AKAP7: variants seen among roughly 807,000 people sequenced by gnomAD.
AKAP7 encodes the protein A kinase (PRKA) anchor protein 7.
A neutral mutation model predicts 39.5 loss-of-function variants in AKAP7; 39 were observed. The ratio of observed to expected loss-of-function variants is 0.99; its 90% CI spans 0.76 to 1.29. AKAP7 has a LOEUF of 1.29. AKAP7 is among the 50% of genes most tolerant of loss of function. The probability of loss-of-function intolerance (pLI) is 0.00; values close to 1 mark genes in which losing one functional copy is unlikely to be tolerated. For synonymous variants in AKAP7, 140 were observed against 139.1 expected (o/e 1.01, Z -0.05); for missense variants, 414 against 407.7 (o/e 1.02, Z -0.13).
chr6:131,154,468 G>GTTT (rs58715551), intron 2 of AKAP7, among the ~76,000 whole-genome samples: 2 of 112,536 alleles, frequency 1.8e-5, no homozygotes, highest in East Asian at 3.0e-4. Context: ...CCCTGTCCCT[G>GTTT]TTTTTTTTTT....
chr6:131,164,258 T>C (rs1803259335), intron 3 of AKAP7: 1 of 422,460 alleles, frequency 2.4e-6, no homozygotes, highest in Non-Finnish European at 4.8e-6. Flanking sequence ...CTGTGCTCTC[T>C]TTTCTCTGTT....
At chr6:131,160,899 A>T (rs1005825152) in intron 3 of AKAP7, among the ~76,000 whole-genome samples, 1 of 152,348 alleles carries the variant, frequency 6.6e-6, no homozygotes, top group Non-Finnish European at 1.5e-5. Context: ...AAACTACTGC[A>T]TCTCATTACA....
Position 131,199,587 on chromosome 6 carries a change from C to T in AKAP7, c.702+14C>T. On this transcript the variant is annotated intron_variant, in intron 6 of 7. Transcript: ENST00000431975. ...CTCCGTAAGAATGTGAGTGCATGTT[C>T]TTATTGCAAGCCTGTTTTACCAGGC... 6.4e-7 allele frequency: 1 copy of T among 1,558,880 alleles called. No individual in the cohort carries two copies. The highest frequency in any genetic ancestry group is 2.2e-5 in the East Asian group (1 of 44,558).
chr6:131,250,176 G>T (rs942315494), intron 7 of AKAP7: 2 of 995,068 alleles, frequency 2.0e-6, no homozygotes, highest in Non-Finnish European at 2.4e-6. Context: ...GCAGTTGTCT[G>T]TAGGAGAAAG....
At chr6:131,162,009 C>A (rs962462071) in intron 3 of AKAP7, among the ~76,000 whole-genome samples, 6 of 152,154 alleles carry the variant, frequency 3.9e-5, no homozygotes, top group African/African-American at 1.4e-4. Flanking sequence ...TGTCACTTTC[C>A]CTAGGCCGCT....
chr6:131,193,646 T>C (rs1182236070), intron 5 of AKAP7, among the ~76,000 whole-genome samples: 1 of 152,110 alleles, frequency 6.6e-6, no homozygotes, highest in Non-Finnish European at 1.5e-5. Context: ...GTTCTTTAAA[T>C]GTTTGGTAGA....
chr6:131,194,926 T>C (rs1392793960), intron 5 of AKAP7, among the ~76,000 whole-genome samples: 1 of 152,132 alleles, frequency 6.6e-6, no homozygotes, highest in African/African-American at 2.4e-5. Context: ...TCTGTGTGCA[T>C]CTTTATAGGT....
At chr6:131,127,274 A>G in the AKAP7 span, among the ~76,000 whole-genome samples, 1 of 152,240 alleles carries the variant, frequency 6.6e-6, no homozygotes, top group East Asian at 1.9e-4. Flanking sequence ...ACCTCAAGTC[A>G]TCTGCCCACC....
In AKAP7 at chr6:131,266,344, C is replaced by T. The variant is rs181862926; in HGVS notation, c.851-15186C>T. ...GAAATTCCTTTGCCTGGGAGCAGTT[C>T]GTGCACATGTGAAGATCAAGAGCTT... On this transcript the variant is annotated intron_variant, in intron 7 of 7. Transcript: ENST00000431975. 1.9e-4 allele frequency among the ~76,000 whole-genome samples: 29 copies of T among 152,242 alleles called. No homozygotes were observed. The East Asian group carries it at 3.9e-3, about 20-fold the overall frequency.
intron 1 of AKAP7, among the ~76,000 whole-genome samples, chr6:131,141,619 C>G (rs1225591710): frequency 6.6e-6 from 1 of 152,114 alleles, no homozygotes; most frequent in Non-Finnish European, 1.5e-5. Context: ...GTTTGGAGGG[C>G]TCAGAAGAAG....
rs773021049 is a variant in AKAP7 at position 131,169,195 on chromosome 6, A to G, written c.511A>G (p.Ile171Val). 1 of 1,614,052 alleles carries G rather than the reference A, an allele frequency of 6.2e-7. No individual in the cohort carries two copies. The highest frequency in any genetic ancestry group is 8.5e-7 in the Non-Finnish European group (1 of 1,179,984). ...ACATTTGACTTTGCCCTTTCAAGGG[A>G]TTGGTACTTTTGGAAATCAGGTTGG... ...GKHLTLPFQGIGTFGNQVGFV... is the reference protein window; with the variant it reads ...GKHLTLPFQGVGTFGNQVGFV... Residue 171 changes from isoleucine to valine, a missense_variant, in exon 5 of 8, where the codon ATT (isoleucine) becomes GTT (valine). Ile to Val is a conservative substitution (Grantham distance 29). Transcript: ENST00000431975.
chr6:131,219,425 C>A (rs1447499435), intron 6 of AKAP7, among the ~76,000 whole-genome samples: 1 of 152,024 alleles, frequency 6.6e-6, no homozygotes, highest in African/African-American at 2.4e-5. Context: ...CTGAAAACTG[C>A]CAAATTTAAA....
intron 7 of AKAP7, among the ~76,000 whole-genome samples, chr6:131,280,669 T>C (rs1585236533): frequency 6.6e-6 from 1 of 152,174 alleles, no homozygotes; most frequent in African/African-American, 2.4e-5. Context: ...TGGGAGGAGA[T>C]TGAGCACTGA....
chr6:131,163,871 G>A (rs1297070717), intron 3 of AKAP7, among the ~76,000 whole-genome samples: 1 of 152,044 alleles, frequency 6.6e-6, no homozygotes, highest in Non-Finnish European at 1.5e-5. Context: ...GGGATTTCTT[G>A]AAACTGACAT....
intron 7 of AKAP7, among the ~76,000 whole-genome samples, chr6:131,248,295 A>T (rs1047815204): frequency 1.3e-5 from 2 of 152,232 alleles, no homozygotes; most frequent in African/African-American, 4.8e-5. Flanking sequence ...AACTCTGACC[A>T]GGAGGCATGA....
intron 4 of AKAP7, among the ~76,000 whole-genome samples, chr6:131,168,229 T>C (rs1264131148): frequency 6.6e-6 from 1 of 151,838 alleles, no homozygotes; most frequent in Non-Finnish European, 1.5e-5. Context: ...TTTCACAGCA[T>C]AGGGGGACCT....
At chr6:131,237,074 C>T (rs571470768) in intron 7 of AKAP7, among the ~76,000 whole-genome samples, 9 of 152,168 alleles carry the variant, frequency 5.9e-5, no homozygotes, top group African/African-American at 1.4e-4. Context: ...TTTTGAGATA[C>T]GGCCCATCAA....
rs140253558 is a variant in AKAP7, at chr6:131,176,717, C to T, written c.589+7444C>T. 1.6e-4 allele frequency among the ~76,000 whole-genome samples: 25 copies of T among 152,138 alleles called. No homozygotes were observed. In the East Asian group the frequency reaches 3.1e-3, roughly 19 times the overall value. ...CCCAAAAGATGGAGAGACTACATTCCGTGTTTTCTGCTCCTTGTGAAGAAT... is the reference window on the plus strand; with the variant it reads ...CCCAAAAGATGGAGAGACTACATTCTGTGTTTTCTGCTCCTTGTGAAGAAT... On this transcript the variant is annotated intron_variant, in intron 5 of 7. Coordinates refer to ENST00000431975, the MANE Select transcript of AKAP7 (RefSeq NM_016377.4).
intron 5 of AKAP7, among the ~76,000 whole-genome samples, chr6:131,199,244 G>T (rs942575117): frequency 1.3e-5 from 2 of 152,172 alleles, no homozygotes; most frequent in Non-Finnish European, 2.9e-5. Flanking sequence ...TTTACCACAG[G>T]TGTGAAATCA....
Sources: gnomAD v4.1 joint callset for allele counts (sites outside exome capture counted in the v4.1 genomes callset) on GRCh38, gnomAD v4.1.1 for gene constraint, MANE v1.5 for transcripts, NCBI Gene and HGNC (gene_info 2026-07-23, HGNC 2026-07-21) for gene names.